The following EFL1 variants were observed in gnomAD, a reference collection of about 807,000 sequenced individuals.
EFL1 encodes elongation factor-like GTPase 1.
Under a neutral mutation model 126.7 loss-of-function variants are expected in EFL1, and 76 were observed. The ratio of observed to expected loss-of-function variants is 0.60; its 90% CI spans 0.50 to 0.73. The LOEUF is 0.73. Ranked by LOEUF, EFL1 falls within the 30% of genes least tolerant of loss-of-function variation. The pLI, the probability that EFL1 is intolerant of heterozygous loss-of-function variation, is 0.00. For missense variants in EFL1, 1,128 were observed against 1,343.2 expected (o/e 0.84, Z 2.50); for synonymous variants, 410 against 448.4 (o/e 0.91, Z 1.08).
chr15:82,233,769 C>T (rs1019319931), intron 7 of EFL1: 1 of 152,188 alleles, frequency 6.6e-6, no homozygotes, highest in African/African-American at 2.4e-5. Context: ...TCTAGTCACA[C>T]TTCTTAATCC....
Position 82,152,292 on chromosome 15 carries a change from A to G in EFL1, c.2162T>C (p.Met721Thr). 6.2e-7 allele frequency: 1 copy of G among 1,614,010 alleles called. No homozygotes were observed. Among genetic ancestry groups the G allele is most frequent in the Non-Finnish European group, 8.5e-7 (1 of 1,179,986 alleles). ...KQQKVAVIHQ[M>T]KEDQSKIPEG... ...AGGGATTTTGCTTTGATCTTCTTTC[A>G]TTTGGTGTATGACTGCAACTTTTTG... Residue 721 changes from methionine to threonine, a missense_variant, in exon 18 of 20, where the codon ATG (methionine) becomes ACG (threonine). This residue lies in a region of EFL1 where 561 missense variants were observed against 641.7 expected (regional missense o/e 0.87). Transcript: ENST00000268206.
At chr15:82,257,396 A>C (rs1476787269) in intron 3 of EFL1, among the ~76,000 whole-genome samples, 1 of 152,142 alleles carries the variant, frequency 6.6e-6, no homozygotes, top group Admixed American at 6.5e-5. Context: ...TCATTCATTC[A>C]AAAATATTTA....
At chr15:82,197,370 T>C (rs1445546086) in intron 15 of EFL1, among the ~76,000 whole-genome samples, 1 of 152,180 alleles carries the variant, frequency 6.6e-6, no homozygotes, top group Non-Finnish European at 1.5e-5. Flanking sequence ...AGTGAAGGAA[T>C]AACAACTTTT....
rs184841977 is a variant in EFL1 at position 82,211,925 on chromosome 15, G to A, written c.1750+2792C>T. Among the ~76,000 whole-genome samples the A allele has an allele frequency of 2.0e-4, 30 of 152,180 alleles. No homozygotes were observed. In the East Asian group the frequency reaches 3.9e-3, roughly 20 times the overall value. On this transcript the variant is annotated intron_variant, in intron 15 of 19. Coordinates refer to ENST00000268206, the MANE Select transcript of EFL1 (RefSeq NM_024580.6). ...GAAATATCCTAATTACTCAAATAAG[G>A]TTTTTCTTAAAGAAACACAGCCTAA... is the stretch of plus-strand genomic sequence containing the variant.
chr15:82,220,355 C>T, intron 12 of EFL1, 126 bp from the exon 13 acceptor site: 1 of 1,140,186 alleles, frequency 8.8e-7, no homozygotes, highest in Non-Finnish European at 1.2e-6. Context: ...TGTCCAAGTC[C>T]TCTCCCTGTC....
At chr15:82,154,184 C>T (rs1182831399) in intron 17 of EFL1, among the ~76,000 whole-genome samples, 2 of 152,164 alleles carry the variant, frequency 1.3e-5, no homozygotes, top group African/African-American at 4.8e-5. Context: ...CACCTCAGGA[C>T]CAAAGGTTCT....
At chr15:82,216,760 T>A (rs2141298822) in intron 14 of EFL1, among the ~76,000 whole-genome samples, 1 of 152,214 alleles carries the variant, frequency 6.6e-6, no homozygotes, top group South Asian at 2.1e-4. Flanking sequence ...TTTTGTGACT[T>A]CAACATAGAC....
chr15:82,184,525 A>G (rs1320743973), intron 15 of EFL1, among the ~76,000 whole-genome samples: 4 of 152,214 alleles, frequency 2.6e-5, no homozygotes, highest in Non-Finnish European at 4.4e-5. Flanking sequence ...CTACTACCGC[A>G]TAAGTCACAT....
chr15:82,155,913 A>G (rs990487516), intron 17 of EFL1, among the ~76,000 whole-genome samples: 2 of 152,088 alleles, frequency 1.3e-5, no homozygotes, highest in African/African-American at 4.8e-5. Context: ...CAGTTTTTCT[A>G]TTGGATTGCT....
intron 3 of EFL1, among the ~76,000 whole-genome samples, chr15:82,256,166 G>A (rs2075065014): frequency 1.3e-5 from 2 of 152,130 alleles, no homozygotes; most frequent in South Asian, 4.1e-4. Flanking sequence ...AGGCCGGAGT[G>A]CAGTTGCTGT....
At chr15:82,132,592 G>A (rs142584010) in intron 19 of EFL1, among the ~76,000 whole-genome samples, 4 of 149,824 alleles carry the variant, frequency 2.7e-5, no homozygotes, top group East Asian at 2.0e-4. Flanking sequence ...ACTCTGGTGG[G>A]TGACAGCAAG....
intron 15 of EFL1, among the ~76,000 whole-genome samples, chr15:82,179,832 G>A (rs1275380414): frequency 1.0e-5 from 1 of 99,806 alleles, no homozygotes; most frequent in Non-Finnish European, 1.8e-5. Flanking sequence ...GGCGGGGGGC[G>A]GGGACATCAA....
At position 82,221,061 on chromosome 15, in the gene EFL1, C is replaced by T. The variant is rs185546878; in HGVS notation, c.1293-832G>A. 5.3e-5 allele frequency among the ~76,000 whole-genome samples: 8 copies of T among 152,196 alleles called. No individual in the cohort carries two copies. The East Asian group carries it at 1.5e-3, about 29-fold the overall frequency. On this transcript the variant is annotated intron_variant, in intron 12 of 19. Coordinates refer to ENST00000268206, the MANE Select transcript of EFL1 (RefSeq NM_024580.6). The stretch of plus-strand genomic sequence containing the variant: ...AACAAGACCAAACCCTGTCCTAAGG[C>T]TGATAGATTAACAGCATCTTCTGCC...
At chr15:82,175,496 A>G (rs548124581) in intron 15 of EFL1, among the ~76,000 whole-genome samples, 11 of 152,270 alleles carry the variant, frequency 7.2e-5, no homozygotes, top group Admixed American at 4.6e-4. Context: ...AACCAGAACT[A>G]CAGGTTGAAT....
intron 15 of EFL1, among the ~76,000 whole-genome samples, chr15:82,174,627 G>A (rs946393367): frequency 6.6e-6 from 1 of 152,096 alleles, no homozygotes; most frequent in African/African-American, 2.4e-5. Context: ...AGGGAGTCTT[G>A]GATTCCTATC....
chr15:82,173,761 C>T (rs977671646), intron 15 of EFL1, among the ~76,000 whole-genome samples: 4 of 152,060 alleles, frequency 2.6e-5, no homozygotes, highest in Middle Eastern at 3.4e-3. Flanking sequence ...GGATATATTC[C>T]AAAATGTCAA....
intron 7 of EFL1, among the ~76,000 whole-genome samples, chr15:82,237,105 T>C (rs1461120518): frequency 3.9e-5 from 6 of 152,160 alleles, no homozygotes; most frequent in Non-Finnish European, 7.3e-5. Flanking sequence ...ATTGCGTCAC[T>C]GCACTCCAGC....
chr15:82,154,356 T>C (rs1004777005), intron 17 of EFL1, among the ~76,000 whole-genome samples: 1 of 152,142 alleles, frequency 6.6e-6, no homozygotes, highest in African/African-American at 2.4e-5. Context: ...GACAATATAG[T>C]CTCCTTGTCT....
At chr15:82,238,233 T>C in intron 7 of EFL1, 74 bp downstream of exon 7, 2 of 1,492,602 alleles carry the variant, frequency 1.3e-6, no homozygotes, top group East Asian at 4.5e-5. Flanking sequence ...TATCTCAAAA[T>C]AAAAGTTTCA....
Sources: allele counts gnomAD v4.1 joint callset (sites outside exome capture counted in the v4.1 genomes callset), GRCh38; gene constraint gnomAD v4.1.1; regional missense constraint gnomAD v4.1.1; transcripts MANE v1.5; gene names NCBI Gene and HGNC (gene_info 2026-07-23, HGNC 2026-07-21).